The following LNX2 variants were observed in gnomAD, a reference collection of about 807,000 sequenced individuals.
LNX2 encodes the protein ligand of numb-protein X 2, also known as ligand of Numb protein X 2.
Under a neutral mutation model 66.2 loss-of-function variants are expected in LNX2, and 35 were observed. The observed-to-expected ratio is 0.53, with a 90% CI of 0.40 to 0.70. The LOEUF (loss-of-function observed/expected upper bound fraction) is 0.70, where lower values mean the gene tolerates loss of function less well. Among genes scored for constraint, LNX2 ranks in the 30% least tolerant of loss-of-function variants. The probability of loss-of-function intolerance (pLI) is 0.00; values close to 1 mark genes in which losing one functional copy is unlikely to be tolerated. For synonymous variants in LNX2, 337 were observed against 315.6 expected (o/e 1.07, Z -0.72); for missense variants, 791 against 850.8 (o/e 0.93, Z 0.87).
At chr13:27,555,510 T>C (rs1955047254) in intron 7 of LNX2, among the ~76,000 whole-genome samples, 2 of 152,246 alleles carry the variant, frequency 1.3e-5, no homozygotes, top group African/African-American at 2.4e-5. Flanking sequence ...GTCTATATTT[T>C]CTTCTGTTGC....
At chr13:27,578,434 C>A (rs1955364006) in intron 2 of LNX2, among the ~76,000 whole-genome samples, 1 of 152,176 alleles carries the variant, frequency 6.6e-6, no homozygotes, top group South Asian at 2.1e-4. Context: ...TTCTGCGCCG[C>A]ATAACATCAT....
At chr13:27,586,815 G>C (rs146413461) in intron 1 of LNX2, among the ~76,000 whole-genome samples, 5 of 152,344 alleles carry the variant, frequency 3.3e-5, no homozygotes, top group Non-Finnish European at 7.4e-5. Context: ...ATAGTAAAGA[G>C]AAGGAAGCTG....
intron 2 of LNX2, among the ~76,000 whole-genome samples, chr13:27,569,562 C>T (rs1041697978): frequency 2.6e-5 from 4 of 152,016 alleles, no homozygotes; most frequent in Admixed American, 2.0e-4. Flanking sequence ...CAGAAAACAC[C>T]CTCATAGTCA....
At chr13:27,587,106 G>C (rs1468260664) in intron 1 of LNX2, among the ~76,000 whole-genome samples, 1 of 152,132 alleles carries the variant, frequency 6.6e-6, no homozygotes, top group Admixed American at 6.5e-5. Flanking sequence ...AAGAGATCCA[G>C]CCCAGGGAAA....
rs1954967335 is a variant in LNX2 at position 27,548,347 on chromosome 13, G to A, written c.2061C>T (p.Gly687=). 1 of 1,612,648 alleles carries A rather than the reference G, an allele frequency of 6.2e-7. No homozygotes were observed. The highest frequency in any genetic ancestry group is 8.5e-7 in the Non-Finnish European group (1 of 1,179,520). ...KVTLTVICWP[G]SLV is the part of the protein sequence containing the mutation. ...CAATTTCCAAAATCTATACAAGGCTGCCAGGCCAACAAATAACGGTCAGAG... is the reference window on the plus strand; with the variant it reads ...CAATTTCCAAAATCTATACAAGGCTACCAGGCCAACAAATAACGGTCAGAG... The change falls in exon 10 of 10, where the codon GGC becomes GGT. Residue 687 remains glycine (G), a synonymous_variant. Transcript: ENST00000316334.
chr13:27,569,489 T>C (rs942611371), intron 2 of LNX2, among the ~76,000 whole-genome samples: 1 of 152,188 alleles, frequency 6.6e-6, no homozygotes, highest in African/African-American at 2.4e-5. Context: ...GCATGAACAA[T>C]GGTTTGGTAT....
At chr13:27,561,675 C>A (rs1051153358) in intron 5 of LNX2, among the ~76,000 whole-genome samples, 6 of 152,184 alleles carry the variant, frequency 3.9e-5, no homozygotes, top group African/African-American at 7.2e-5. Flanking sequence ...ACTTCCTGAT[C>A]CTCAATTACA....
intron 1 of LNX2, among the ~76,000 whole-genome samples, chr13:27,594,131 C>T (rs755753608): frequency 2.0e-5 from 3 of 152,102 alleles, no homozygotes; most frequent in Non-Finnish European, 4.4e-5. Flanking sequence ...TAAGCCTAGT[C>T]AATTTTCTTT....
At chr13:27,569,705 G>T (rs1372864910) in intron 2 of LNX2, among the ~76,000 whole-genome samples, 1 of 152,080 alleles carries the variant, frequency 6.6e-6, no homozygotes, top group Non-Finnish European at 1.5e-5. Context: ...CCTTGATTGT[G>T]CCACCATGCT....
At chr13:27,574,469 G>GA (rs1318406776) in intron 2 of LNX2, among the ~76,000 whole-genome samples, 1 of 150,830 alleles carries the variant, frequency 6.6e-6, no homozygotes, top group African/African-American at 2.4e-5. Context: ...TGAATCAGAA[G>GA]AAAGAACTGG....
At chr13:27,614,770 G>T (rs957701190) in intron 1 of LNX2, among the ~76,000 whole-genome samples, 2 of 152,094 alleles carry the variant, frequency 1.3e-5, no homozygotes, top group African/African-American at 4.8e-5. Flanking sequence ...AAATGATAAG[G>T]GTTCTCATAA....
Position 27,567,718 on chromosome 13 carries a change from G to T in LNX2, c.777C>A (p.Asn259Lys). ...CCCGATAGACCTCCTGGATGACAAT[G>T]TTAATCAAAGGTGTTTCGTTGCCAC... Reference protein sequence around the residue: ...IVGGNETPLINIVIQEVYRDG... With the variant: ...IVGGNETPLIKIVIQEVYRDG... Residue 259 changes from asparagine (N) to lysine (K), a missense_variant, in exon 4 of 10, where the codon AAC becomes AAA. By Grantham distance (94) the Asn-to-Lys change is moderately conservative. Transcript: ENST00000316334. The T allele has an allele frequency of 6.2e-7, 1 of 1,613,870 alleles. No homozygotes were observed. The highest frequency in any genetic ancestry group is 8.5e-7 in the Non-Finnish European group (1 of 1,179,904).
chr13:27,559,788 A>G (rs927314500), intron 6 of LNX2, 54 bp downstream of exon 6: 2 of 1,434,092 alleles, frequency 1.4e-6, no homozygotes, highest in African/African-American at 2.9e-5. Context: ...AAATCTTACC[A>G]GCTTGTAACA....
intron 1 of LNX2, among the ~76,000 whole-genome samples, chr13:27,608,819 T>TTTTGG (rs1566133799): frequency 6.6e-6 from 1 of 152,196 alleles, no homozygotes; most frequent in African/African-American, 2.4e-5. Context: ...TTTGTTTTGG[T>TTTTGG]GGGGGGCCAA....
intron 7 of LNX2, among the ~76,000 whole-genome samples, chr13:27,554,905 C>G (rs946092188): frequency 6.6e-6 from 1 of 152,154 alleles, no homozygotes; most frequent in African/African-American, 2.4e-5. Flanking sequence ...TATTGGCTGT[C>G]TTTTTCATTA....
chr13:27,581,582 T>C lies in LNX2; in HGVS notation c.122A>G (p.Gln41Arg). 1.2e-6 allele frequency: 2 copies of C among 1,614,250 alleles called. No individual in the cohort carries two copies. The highest frequency in any genetic ancestry group is 1.7e-6 in the Non-Finnish European group (2 of 1,180,054). The change falls in exon 2 of 10, where the codon CAG (glutamine) becomes CGG (arginine). Residue 41 changes from glutamine to arginine, a missense_variant. By Grantham distance (43) the Gln-to-Arg change is conservative. Transcript: ENST00000316334. ...GACTAGGTCATCATCCACTTCATTC[T>C]GGTAATTGTACAAATGGTTTTCTCT... ...WTRENHLYNY[Q>R]NEVDDDLVCH...
At chr13:27,566,274 G>A (rs1345391123) in intron 4 of LNX2, among the ~76,000 whole-genome samples, 2 of 152,206 alleles carry the variant, frequency 1.3e-5, no homozygotes, top group East Asian at 3.8e-4. Flanking sequence ...CTCATGAGAT[G>A]AGGACAGGCT....
intron 1 of LNX2, among the ~76,000 whole-genome samples, chr13:27,583,590 G>A (rs118071013): frequency 0.046 from 7,046 of 152,106 alleles, 185 homozygotes; most frequent in South Asian, 0.068. Flanking sequence ...CTCCTCCAGG[G>A]TAGCGCGAGC....
chr13:27,583,251 T>TGCGCGCGCGCGC (rs1955437624), intron 1 of LNX2, among the ~76,000 whole-genome samples: 3 of 46,626 alleles, frequency 6.4e-5, no homozygotes, highest in Non-Finnish European at 7.4e-5. Flanking sequence ...TGTGTGTGTG[T>TGCGCGCGCGCGC]GTGTGCGCGC....
Sources: gnomAD v4.1 joint callset for allele counts (sites outside exome capture counted in the v4.1 genomes callset) on GRCh38, gnomAD v4.1.1 for gene constraint, MANE v1.5 for transcripts, NCBI Gene and HGNC (gene_info 2026-07-23, HGNC 2026-07-21) for gene names.